TMEM132C: variants seen among roughly 807,000 people sequenced by gnomAD.
TMEM132C encodes protein phosphatase 1, regulatory subunit 152.
A neutral mutation model predicts 61.4 loss-of-function variants in TMEM132C; 29 were observed. That is an observed-to-expected ratio of 0.47 (90% CI 0.35 to 0.64). TMEM132C has a LOEUF of 0.64. Ranked by LOEUF, TMEM132C falls within the 30% of genes least tolerant of loss-of-function variation. The probability of loss-of-function intolerance (pLI) is 0.00; values close to 1 mark genes in which losing one functional copy is unlikely to be tolerated. For missense variants in TMEM132C, 1,408 were observed against 1,476.9 expected (o/e 0.95, Z 0.76); for synonymous variants, 656 against 633.1 (o/e 1.04, Z -0.54).
chr12:128,632,011 C>G (rs1000554944), intron 4 of TMEM132C, among the ~76,000 whole-genome samples: 5 of 152,134 alleles, frequency 3.3e-5, no homozygotes, highest in Admixed American at 1.3e-4. Flanking sequence ...GGAAGGGGGG[C>G]TGACAAACCC....
intron 1 of TMEM132C, among the ~76,000 whole-genome samples, chr12:128,330,773 A>G (rs1385464165): frequency 6.6e-6 from 1 of 152,212 alleles, no homozygotes; most frequent in Non-Finnish European, 1.5e-5. Flanking sequence ...TTAACCAAAA[A>G]TAGAATCCAT....
chr12:128,702,989 A>G (rs1954814156), intron 8 of TMEM132C, among the ~76,000 whole-genome samples: 1 of 152,026 alleles, frequency 6.6e-6, no homozygotes, highest in African/African-American at 2.4e-5. Context: ...GTGAGTCATC[A>G]TGGTCTTTGT....
intron 1 of TMEM132C, among the ~76,000 whole-genome samples, chr12:128,371,648 C>A (rs562901397): frequency 6.6e-6 from 1 of 152,242 alleles, no homozygotes; most frequent in East Asian, 1.9e-4. Flanking sequence ...TCGCAGCTCA[C>A]TGCAGACTCA....
At chr12:128,552,085 C>T (rs970215614) in intron 3 of TMEM132C, among the ~76,000 whole-genome samples, 1 of 152,340 alleles carries the variant, frequency 6.6e-6, no homozygotes, top group African/African-American at 2.4e-5. Context: ...GGCTCCCCAG[C>T]GGGGTCGGTG....
At chr12:128,538,623 G>T (rs1286413680) in intron 2 of TMEM132C, among the ~76,000 whole-genome samples, 2 of 152,118 alleles carry the variant, frequency 1.3e-5, no homozygotes, top group Non-Finnish European at 2.9e-5. Context: ...TAATACTGCA[G>T]TGCCCTGCTC....
chr12:128,563,453 G>C (rs1284927244), intron 3 of TMEM132C, among the ~76,000 whole-genome samples: 1 of 152,076 alleles, frequency 6.6e-6, no homozygotes, highest in Non-Finnish European at 1.5e-5. Flanking sequence ...AGGGCTGCTC[G>C]GCAGAAAGAG....
chr12:128,411,728 G>C (rs531534675), intron 1 of TMEM132C, among the ~76,000 whole-genome samples: 21 of 152,264 alleles, frequency 1.4e-4, no homozygotes, highest in African/African-American at 5.1e-4. Flanking sequence ...TGAGGACAGA[G>C]TTAAGAAAAA....
At chr12:128,366,596 G>A (rs1394629738) in intron 1 of TMEM132C, among the ~76,000 whole-genome samples, 1 of 152,166 alleles carries the variant, frequency 6.6e-6, no homozygotes, top group Non-Finnish European at 1.5e-5. Flanking sequence ...TTTGAGGCTT[G>A]TGAGATGGAA....
chr12:128,339,480 G>T (rs896486743), intron 1 of TMEM132C, among the ~76,000 whole-genome samples: 6 of 152,088 alleles, frequency 3.9e-5, no homozygotes, highest in African/African-American at 1.4e-4. Context: ...TGTTCTGTTC[G>T]GTTCAAGCTG....
intron 4 of TMEM132C, among the ~76,000 whole-genome samples, chr12:128,658,933 T>A (rs1269363244): frequency 1.3e-5 from 2 of 152,188 alleles, no homozygotes; most frequent in African/African-American, 4.8e-5. Context: ...CTGTAACCAC[T>A]GAAGAGGAGA....
At chr12:128,317,672 G>A (rs1428574247) in intron 1 of TMEM132C, among the ~76,000 whole-genome samples, 1 of 152,190 alleles carries the variant, frequency 6.6e-6, no homozygotes, top group African/African-American at 2.4e-5. Flanking sequence ...ATCTCTTGAG[G>A]TCAGCAGTTC....
chr12:128,398,293 C>T (rs1875032611), intron 1 of TMEM132C, among the ~76,000 whole-genome samples: 1 of 152,262 alleles, frequency 6.6e-6, no homozygotes, highest in Non-Finnish European at 1.5e-5. Flanking sequence ...TCTAGACTGA[C>T]CTGGGCATCA....
At chr12:128,624,048 C>A (rs1222666401) in intron 4 of TMEM132C, among the ~76,000 whole-genome samples, 1 of 152,150 alleles carries the variant, frequency 6.6e-6, no homozygotes, top group Non-Finnish European at 1.5e-5. Context: ...TGATTAATGA[C>A]AGCCTTTCTC....
At chr12:128,616,475 G>A in intron 4 of TMEM132C, 140 bp downstream of exon 4, 2 of 916,556 alleles carry the variant, frequency 2.2e-6, no homozygotes, top group South Asian at 2.3e-5. Flanking sequence ...TCCTCACCCT[G>A]GAAGTTGTTA....
intron 1 of TMEM132C, among the ~76,000 whole-genome samples, chr12:128,312,339 G>T (rs988909795): frequency 3.9e-5 from 6 of 152,120 alleles, no homozygotes; most frequent in African/African-American, 1.2e-4. Context: ...ACAAGGTCTT[G>T]CTCTGTTGCC....
intron 3 of TMEM132C, among the ~76,000 whole-genome samples, chr12:128,595,028 T>C (rs1185232637): frequency 6.6e-6 from 1 of 152,148 alleles, no homozygotes. Flanking sequence ...GGTGAGATGC[T>C]CGCCGGCCAG....
chr12:128,353,362 C>T (rs201366827), intron 1 of TMEM132C, among the ~76,000 whole-genome samples: 5 of 152,210 alleles, frequency 3.3e-5, no homozygotes, highest in East Asian at 1.9e-4. Context: ...CAAGATGGCG[C>T]GGGACTTTCA....
At chr12:128,302,622 A>G (rs1447373307) in intron 1 of TMEM132C, among the ~76,000 whole-genome samples, 3 of 152,210 alleles carry the variant, frequency 2.0e-5, no homozygotes, top group South Asian at 2.1e-4. Context: ...ATAGATTACT[A>G]TGAGCTACTA....
intron 5 of TMEM132C, among the ~76,000 whole-genome samples, chr12:128,686,539 G>A (rs1479732396): frequency 8.5e-5 from 13 of 152,134 alleles, no homozygotes; most frequent in Non-Finnish European, 1.8e-4. Flanking sequence ...GTTGTAGTGA[G>A]CTATGATTGC....
Sources: allele counts gnomAD v4.1 joint callset (sites outside exome capture counted in the v4.1 genomes callset), GRCh38; gene constraint gnomAD v4.1.1; transcripts MANE v1.5; gene names NCBI Gene and HGNC (gene_info 2026-07-23, HGNC 2026-07-21).